Variants in SLC26A8 observed in about 807,000 individuals in gnomAD.
SLC26A8 encodes testis anion transporter 1.
A neutral mutation model predicts 105.0 loss-of-function variants in SLC26A8; 70 were observed. That is an observed-to-expected ratio of 0.67 (90% confidence interval 0.55 to 0.81). The LOEUF (loss-of-function observed/expected upper bound fraction) is 0.81, where lower values mean the gene tolerates loss of function less well. Among genes scored for constraint, SLC26A8 ranks in the 40% least tolerant of loss-of-function variants. The probability of loss-of-function intolerance (pLI) is 0.00; values close to 1 mark genes in which losing one functional copy is unlikely to be tolerated. For missense variants in SLC26A8, 998 were observed against 1,181.8 expected, an observed-to-expected ratio of 0.84 and a Z score of 2.28; for synonymous variants, 415 against 438.3, an observed-to-expected ratio of 0.95 and a Z score of 0.66.
At chr6:35,978,354 G>A (rs1773127706) in intron 8 of SLC26A8, among the ~76,000 whole-genome samples, 1 of 152,026 alleles carries the variant, frequency 6.6e-6, no homozygotes, top group African/African-American at 2.4e-5. Flanking sequence ...GATGATTTGG[G>A]GAGAGTGGTG....
intron 9 of SLC26A8, among the ~76,000 whole-genome samples, chr6:35,976,226 C>A (rs758179068): frequency 1.7e-4 from 26 of 151,832 alleles, no homozygotes; most frequent in Admixed American, 7.2e-4. Flanking sequence ...GAGTTCGAGA[C>A]CAGTCTGGCC....
At chr6:35,979,826 C>G (rs1243257972) in intron 8 of SLC26A8, among the ~76,000 whole-genome samples, 1 of 152,180 alleles carries the variant, frequency 6.6e-6, no homozygotes, top group Non-Finnish European at 1.5e-5. Context: ...TCCAATCTTA[C>G]TATTCTCTAG....
At chr6:35,971,657 T>C in intron 10 of SLC26A8, among the ~76,000 whole-genome samples, 1 of 152,148 alleles carries the variant, frequency 6.6e-6, no homozygotes, top group South Asian at 2.1e-4. Context: ...GAGAGCAAAA[T>C]TAATTTGCCC....
chr6:35,947,806 C>A (rs186284005), intron 19 of SLC26A8, among the ~76,000 whole-genome samples: 14 of 152,252 alleles, frequency 9.2e-5, no homozygotes, highest in Non-Finnish European at 2.1e-4. Flanking sequence ...TGGTGTGCGT[C>A]TGTACTCCCA....
In SLC26A8 at chr6:35,997,725, A is replaced by G. The variant is rs371400375; in HGVS notation, c.627+13T>C. ...TCAGTTCCTTTTCAGGGATTTGAAG[A>G]CTCAGATCCTACCTGAATAATCCCA... is the stretch of plus-strand genomic sequence containing the variant. On this transcript the variant is annotated intron_variant, in intron 5 of 19. Transcript: ENST00000490799. 1.3e-4 allele frequency: 206 copies of G among 1,612,184 alleles called. No homozygotes were observed. Among genetic ancestry groups the G allele is most frequent in the South Asian group, 4.1e-4 (37 of 90,974 alleles).
chr6:35,995,681 T>A (rs78754949), intron 5 of SLC26A8, among the ~76,000 whole-genome samples: 3 of 151,072 alleles, frequency 2.0e-5, no homozygotes, highest in Admixed American at 6.6e-5. Flanking sequence ...TTTTTTTTTT[T>A]ATTTTGTTTT....
chr6:35,955,096 G>A lies in SLC26A8; in HGVS notation c.2232+56C>T, dbSNP rs1772004950. 4 of 1,606,770 alleles carry A rather than the reference G, an allele frequency of 2.5e-6. No individual in the cohort carries two copies. The African/African-American group carries it at 4.0e-5, about 16-fold the overall frequency. On this transcript the variant is annotated intron_variant, in intron 17 of 19. Coordinates refer to ENST00000490799, the MANE Select transcript of SLC26A8 (RefSeq NM_052961.4). ...CAGAATTCAATCAGGATCAGGGTGG[G>A]GTTGGGATGGTAGGAGGGGGATCAG...
At chr6:35,956,428 CAAAAAAAA>C (rs56146863) in intron 16 of SLC26A8, among the ~76,000 whole-genome samples, 1 of 105,884 alleles carries the variant, frequency 9.4e-6, no homozygotes, top group Non-Finnish European at 1.9e-5. Flanking sequence ...ACCTTATGTC[CAAAAAAAA>C]AAAAAAAAAA....
At chr6:35,970,504 A>C (rs971461659) in intron 10 of SLC26A8, among the ~76,000 whole-genome samples, 2 of 152,212 alleles carry the variant, frequency 1.3e-5, no homozygotes, top group Non-Finnish European at 2.9e-5. Flanking sequence ...TGTGGAACTG[A>C]GACAGGTAAC....
At chr6:36,014,037 C>T (rs557579093) in intron 2 of SLC26A8, among the ~76,000 whole-genome samples, 16 of 152,264 alleles carry the variant, frequency 1.1e-4, no homozygotes, top group Admixed American at 6.5e-4. Flanking sequence ...AAATGCTGCT[C>T]GGCAGCCATG....
chr6:36,005,682 A>G (rs1436769189), intron 3 of SLC26A8, among the ~76,000 whole-genome samples: 1 of 152,128 alleles, frequency 6.6e-6, no homozygotes, highest in Non-Finnish European at 1.5e-5. Context: ...TAGTTAAGCT[A>G]TTTTCTCCTA....
At chr6:35,978,131 T>A (rs1581655534) in intron 8 of SLC26A8, among the ~76,000 whole-genome samples, 3 of 99,832 alleles carry the variant, frequency 3.0e-5, no homozygotes, top group South Asian at 3.0e-4. Flanking sequence ...AAACCAGACA[T>A]AGACAGCACA....
Position 35,951,189 on chromosome 6 carries a change from G to A in SLC26A8, c.2446C>T (p.Arg816Trp), listed in dbSNP as rs754358341. 35 of 1,597,830 alleles carry A rather than the reference G, an allele frequency of 2.2e-5. No individual in the cohort carries two copies. The highest frequency in any genetic ancestry group is 1.7e-4 in the Middle Eastern group (1 of 5,964). Residue 816 changes from arginine (R) to tryptophan (W), a missense_variant, in exon 19 of 20, where the codon CGG (arginine) becomes TGG (tryptophan). Arg to Trp is a moderately radical substitution (Grantham distance 101, BLOSUM62 -3). Transcript: ENST00000490799. Reference sequence around the variant, plus strand: ...TTGTCTGTTTCTGAGTAGGTTTCCCGTATCACTGTCTCGGATTCATCGATG... The same window carrying A: ...TTGTCTGTTTCTGAGTAGGTTTCCCATATCACTGTCTCGGATTCATCGATG... ...LSIDESETVI[R>W]ETYSETDKND...
At chr6:35,979,216 G>A (rs1207022049) in intron 8 of SLC26A8, among the ~76,000 whole-genome samples, 6 of 151,662 alleles carry the variant, frequency 4.0e-5, no homozygotes, top group African/African-American at 9.7e-5. Context: ...GGTGGCTCAC[G>A]CTTGTAATCC....
At chr6:36,013,727 G>A (rs1330964383) in intron 2 of SLC26A8, among the ~76,000 whole-genome samples, 1 of 152,156 alleles carries the variant, frequency 6.6e-6, no homozygotes, top group African/African-American at 2.4e-5. Flanking sequence ...AAAGTAAAAA[G>A]TATGAAGATT....
rs1217526025 is a variant in SLC26A8, at chr6:35,959,707, C to G, written c.1731+7G>C. 1.0e-5 allele frequency: 16 copies of G among 1,606,026 alleles called. No homozygotes were observed. Among genetic ancestry groups the G allele is most frequent in the Non-Finnish European group, 1.3e-5 (15 of 1,177,584 alleles). On this transcript the variant is annotated splice_region_variant and intron_variant, in intron 15 of 19. Transcript: ENST00000490799. Reference sequence around the variant, plus strand: ...AGGTTGAGAAAGGCGGGCAGGAGGGCAGATACCTCTTTTAACAGCTTATGC... The same window carrying G: ...AGGTTGAGAAAGGCGGGCAGGAGGGGAGATACCTCTTTTAACAGCTTATGC...
intron 7 of SLC26A8, among the ~76,000 whole-genome samples, chr6:35,990,615 T>C (rs1392008914): frequency 6.6e-6 from 1 of 152,194 alleles, no homozygotes; most frequent in Non-Finnish European, 1.5e-5. Flanking sequence ...TTCCTTATTG[T>C]AGCATAGTGA....
chr6:36,020,238 C>G (rs1581704480), intron 1 of SLC26A8, among the ~76,000 whole-genome samples: 2 of 152,162 alleles, frequency 1.3e-5, no homozygotes, highest in African/African-American at 4.8e-5. Context: ...TGTCTGTTTC[C>G]CCCATAAAAT....
At chr6:36,008,042 C>CTCGG (rs2127365366) in intron 3 of SLC26A8, among the ~76,000 whole-genome samples, 1 of 150,316 alleles carries the variant, frequency 6.7e-6, no homozygotes, top group African/African-American at 2.4e-5. Context: ...ATGGCATGAA[C>CTCGG]TCGGGAGGCG....
Sources: gnomAD v4.1 joint callset for allele counts (sites outside exome capture counted in the v4.1 genomes callset) on GRCh38, gnomAD v4.1.1 for gene constraint, MANE v1.5 for transcripts, NCBI Gene and HGNC (gene_info 2026-07-23, HGNC 2026-07-21) for gene names.